The following CCNT1 variants were observed in gnomAD, a reference collection of about 807,000 sequenced individuals.
The protein encoded by CCNT1 is cyclin-T1.
CCNT1 carries 18 observed loss-of-function variants against 67.3 expected under a neutral mutation model. The ratio of observed to expected loss-of-function variants is 0.27; its 90% CI spans 0.18 to 0.40. The LOEUF (loss-of-function observed/expected upper bound fraction) is 0.40. Among genes scored for constraint, CCNT1 ranks in the 10% least tolerant of loss-of-function variants. The pLI is 1.00. For missense variants in CCNT1, 744 were observed against 884.9 expected (o/e 0.84, Z 2.02); for synonymous variants, 333 against 310.3 (o/e 1.07, Z -0.77).
At chr12:48,701,894 C>T (rs2137232869) in intron 3 of CCNT1, among the ~76,000 whole-genome samples, 1 of 151,632 alleles carries the variant, frequency 6.6e-6, no homozygotes, top group Non-Finnish European at 1.5e-5. Context: ...GCGTGAGCCA[C>T]CGCACCCGGC....
At chr12:48,703,002 T>A (rs1940296066) in intron 3 of CCNT1, among the ~76,000 whole-genome samples, 1 of 151,722 alleles carries the variant, frequency 6.6e-6, no homozygotes, top group African/African-American at 2.4e-5. Context: ...GCAGCTATAG[T>A]CCTAGCAACT....
chr12:48,713,658 C>A (rs559524693), intron 2 of CCNT1, among the ~76,000 whole-genome samples: 7 of 152,204 alleles, frequency 4.6e-5, no homozygotes, highest in African/African-American at 1.7e-4. Context: ...TGTTGGCAAG[C>A]CTGTGGTCCC....
At chr12:48,695,890 T>C (rs774821143) in intron 7 of CCNT1, 61 bp from the exon 8 acceptor site, 124 of 1,512,356 alleles carry the variant, frequency 8.2e-5, no homozygotes, top group Non-Finnish European at 1.0e-4. Context: ...GAAACAAGAA[T>C]AACCTGAACT....
At chr12:48,713,548 C>T (rs887395929) in intron 2 of CCNT1, among the ~76,000 whole-genome samples, 5 of 152,124 alleles carry the variant, frequency 3.3e-5, no homozygotes, top group African/African-American at 1.2e-4. Context: ...TTTTAGAAGG[C>T]GGAGGCGGAA....
chr12:48,715,373 AT>A, intron 1 of CCNT1, among the ~76,000 whole-genome samples: 1 of 152,376 alleles, frequency 6.6e-6, no homozygotes, highest in South Asian at 2.1e-4. Context: ...GTGGAAAGAA[AT>A]TTAAAACTAT....
chr12:48,705,496 C>A, intron 3 of CCNT1: 2 of 322,658 alleles, frequency 6.2e-6, no homozygotes, highest in Non-Finnish European at 1.1e-5. Context: ...TGGTCTTAAA[C>A]TTCTGGCCTA....
intron 2 of CCNT1, among the ~76,000 whole-genome samples, chr12:48,709,582 T>C (rs943700941): frequency 6.6e-6 from 1 of 152,066 alleles, no homozygotes; most frequent in Non-Finnish European, 1.5e-5. Flanking sequence ...ACTACACAAA[T>C]ACCATGTGGC....
chr12:48,694,075 T>C lies in CCNT1; in HGVS notation c.1139A>G (p.Lys380Arg), dbSNP rs1249551372. The change falls in exon 9 of 9, where the codon AAG (lysine) becomes AGG (arginine). Residue 380 changes from lysine (K) to arginine (R), a missense_variant. Coordinates refer to ENST00000261900, the MANE Select transcript of CCNT1 (RefSeq NM_001240.4). ...TGACACTTTAGCTGATGGCACACTC[T>C]TACTATTCTGCTTCTGGGAAATAAA... ...NAFISQKQNS[K>R]SVPSAKVSLK... is the part of the protein sequence containing the mutation. 6.2e-7 allele frequency: 1 copy of C among 1,614,118 alleles called. No individual in the cohort carries two copies. Among genetic ancestry groups the C allele is most frequent in the Non-Finnish European group, 8.5e-7 (1 of 1,180,054 alleles).
intron 2 of CCNT1, among the ~76,000 whole-genome samples, chr12:48,708,098 A>C (rs1248825598): frequency 6.6e-6 from 1 of 151,976 alleles, no homozygotes; most frequent in African/African-American, 2.4e-5. Context: ...TTAAATAATA[A>C]TTTAGGCATT....
intron 1 of CCNT1, among the ~76,000 whole-genome samples, chr12:48,715,016 T>A (rs757850450): frequency 6.6e-6 from 1 of 152,214 alleles, no homozygotes. Context: ...TTTCACCATG[T>A]TGGCCAGGCT....
At position 48,693,712 on chromosome 12, in the gene CCNT1, G is replaced by T; in HGVS notation, c.1502C>A (p.Thr501Lys). ...CTTTTCTTTGTGCTCTCGGCTCTTT[G>T]TAACACTGTCCTCTACAGAATTGTG... ...DKHNSVEDSVTKSREHKEKHK... is the reference protein window; with the variant it reads ...DKHNSVEDSVKKSREHKEKHK... Residue 501 changes from threonine (T) to lysine (K), a missense_variant, in exon 9 of 9, where the codon ACA becomes AAA. Coordinates refer to ENST00000261900, the MANE Select transcript of CCNT1 (RefSeq NM_001240.4). 1 of 1,614,112 alleles carries T rather than the reference G, an allele frequency of 6.2e-7. No individual in the cohort carries two copies.
Position 48,705,879 on chromosome 12 carries a change from G to A in CCNT1, c.261C>T (p.Ala87=), listed in dbSNP as rs570053628. ...CCTCCACTTTAGCTGCTAGAAACAA[G>A]GCTGCTGGAGCCACAGACTGAATGG... is the stretch of plus-strand genomic sequence containing the variant. The part of the protein sequence containing the change: ...QFPGNSVAPA[A]LFLAAKVEEQ... Residue 87 remains alanine, a synonymous_variant, in exon 3 of 9, where the codon GCC becomes GCT. Transcript: ENST00000261900. The A allele has an allele frequency of 4.3e-6, 7 of 1,612,982 alleles. No homozygotes were observed. The African/African-American group carries it at 8.0e-5, about 18-fold the overall frequency.
chr12:48,711,649 G>A (rs541266516), intron 2 of CCNT1, among the ~76,000 whole-genome samples: 6 of 152,026 alleles, frequency 3.9e-5, no homozygotes, highest in South Asian at 2.1e-4. Flanking sequence ...AGATAGCCTC[G>A]TTAAATGCTA....
At chr12:48,696,508 A>C (rs1013250064) in intron 6 of CCNT1, among the ~76,000 whole-genome samples, 1 of 152,100 alleles carries the variant, frequency 6.6e-6, no homozygotes, top group East Asian at 1.9e-4. Flanking sequence ...CAAGCCTAGA[A>C]GTCAATATTT....
chr12:48,710,852 G>A (rs1034000463), intron 2 of CCNT1, among the ~76,000 whole-genome samples: 3 of 152,152 alleles, frequency 2.0e-5, no homozygotes, highest in Non-Finnish European at 4.4e-5. Flanking sequence ...CGTGAGGTCA[G>A]GAATTCAAGA....
intron 1 of CCNT1, 75 bp downstream of exon 1, chr12:48,716,440 C>CA: frequency 1.4e-6 from 2 of 1,402,008 alleles, no homozygotes; most frequent in Non-Finnish European, 1.9e-6. Flanking sequence ...TCGTCCCCCC[C>CA]ACAGAGCCTG....
intron 3 of CCNT1, among the ~76,000 whole-genome samples, chr12:48,701,783 T>C (rs1319370454): frequency 6.6e-6 from 1 of 150,794 alleles, no homozygotes; most frequent in Non-Finnish European, 1.5e-5. Flanking sequence ...ATTTTGTATT[T>C]TTAGTAGAGA....
At position 48,692,987 on chromosome 12, in the gene CCNT1, ATG is replaced by A. The variant is rs753220565; in HGVS notation, c.*44_*45del. On this transcript the variant is annotated 3_prime_UTR_variant, in exon 9 of 9. Transcript: ENST00000261900. ...AGTCCAAAAAAAAAAAAGAAAAATT[ATG>A]TGTTTTTTTAAAGAAGTTTTTTTCT... 1.2e-5 allele frequency: 15 copies of A among 1,202,676 alleles called. No individual in the cohort carries two copies. The highest frequency in any genetic ancestry group is 2.6e-5 in the East Asian group (1 of 38,928). The allele number at this position is 1,202,676 out of a possible 1,614,324, so 74.5% of individuals were successfully genotyped here. A position where few individuals can be genotyped will look rare whatever the true frequency, so the allele number is the denominator to read the frequency against.
In CCNT1 at chr12:48,692,095, ATC is replaced by A. The variant is rs951929786; in HGVS notation, c.*936_*937del. ...TCGCCAACCCTCCTTCCTCAACCCC[ATC>A]TCTGTTTTGCACAAAAACAAAAAAA... is the stretch of plus-strand genomic sequence containing the variant. On this transcript the variant is annotated 3_prime_UTR_variant, in exon 9 of 9. Coordinates refer to ENST00000261900, the MANE Select transcript of CCNT1 (RefSeq NM_001240.4). 1.3e-5 allele frequency: 2 copies of A among 152,008 alleles called. No homozygotes were observed. Among genetic ancestry groups the A allele is most frequent in the African/African-American group, 4.8e-5 (2 of 41,364 alleles). 9.4% of individuals were successfully genotyped at this position (152,008 alleles called of 1,614,324 possible).
Sources: gnomAD v4.1 joint callset for allele counts (sites outside exome capture counted in the v4.1 genomes callset) on GRCh38, gnomAD v4.1.1 for gene constraint, MANE v1.5 for transcripts, NCBI Gene and HGNC (gene_info 2026-07-23, HGNC 2026-07-21) for gene names.